Variants in AGR3 observed in about 807,000 individuals in gnomAD.
The protein encoded by AGR3 is anterior gradient 3, protein disulphide isomerase family member, also known as anterior gradient protein 3.
A neutral mutation model predicts 24.5 loss-of-function variants in AGR3; 37 were observed. The observed-to-expected ratio is 1.51, with a 90% CI of 1.16 to 1.99. The LOEUF is 1.99. Among genes scored for constraint, AGR3 ranks in the 30% most tolerant of loss-of-function variants. The probability of loss-of-function intolerance (pLI) is 0.00; values close to 1 mark genes in which losing one functional copy is unlikely to be tolerated. For synonymous variants in AGR3, 75 were observed against 61.6 expected (o/e 1.22, Z -1.02); for missense variants, 228 against 191.1 (o/e 1.19, Z -1.14).
At chr7:16,877,457 GCAAA>G (rs1401552345) in intron 2 of AGR3, among the ~76,000 whole-genome samples, 1 of 151,478 alleles carries the variant, frequency 6.6e-6, no homozygotes, top group Non-Finnish European at 1.5e-5. Flanking sequence ...TATGAATGGA[GCAAA>G]CAAATGGTCA....
downstream of AGR3, among the ~76,000 whole-genome samples, chr7:16,856,615 T>A (rs1448316485): frequency 6.6e-6 from 1 of 152,216 alleles, no homozygotes; most frequent in Non-Finnish European, 1.5e-5. Flanking sequence ...CTTTTTTGAC[T>A]GTTATCTCTT....
In AGR3 at chr7:16,860,561, A is replaced by G; in HGVS notation, c.390T>C (p.Ala130=). Residue 130 remains alanine (A), a synonymous_variant, in exon 7 of 8, where the codon GCT becomes GCC. Coordinates refer to ENST00000310398, the MANE Select transcript of AGR3 (RefSeq NM_176813.5). The stretch of plus-strand genomic sequence containing the variant: ...TGTTAGAGTATCTTCCAGCTATGTC[A>G]GCTCTAACTGTTAAAGAAGGGTCTG... ...MFVDPSLTVR[A]DIAGRYSNRL... 1 of 1,613,640 alleles carries G rather than the reference A, an allele frequency of 6.2e-7. No homozygotes were observed. The highest frequency in any genetic ancestry group is 8.5e-7 in the Non-Finnish European group (1 of 1,179,666).
chr7:16,854,868 C>A (rs553359438), downstream of AGR3, among the ~76,000 whole-genome samples: 21 of 152,168 alleles, frequency 1.4e-4, no homozygotes, highest in Non-Finnish European at 2.4e-4. Context: ...CTGCTTCCTG[C>A]TCACATGGCA....
chr7:16,864,451 T>A, intron 3 of AGR3: 5 of 1,303,384 alleles, frequency 3.8e-6, no homozygotes, highest in Non-Finnish European at 5.6e-6. Context: ...ATGTCCTCCG[T>A]TAAGCTGGGC....
chr7:16,870,596 ATTCAAATATAGATG>A (rs1187210615), intron 3 of AGR3, among the ~76,000 whole-genome samples: 1 of 152,152 alleles, frequency 6.6e-6, no homozygotes, highest in Non-Finnish European at 1.5e-5. Flanking sequence ...AGTCTTAAAA[ATTCAAATATAGATG>A]TTTTATTCTA....
chr7:16,856,496 G>A (rs907570382), downstream of AGR3, among the ~76,000 whole-genome samples: 8 of 152,130 alleles, frequency 5.3e-5, no homozygotes, highest in African/African-American at 1.4e-4. Flanking sequence ...AACAGGATAT[G>A]CTTATATTTT....
In AGR3 at chr7:16,860,430, T is replaced by C. The variant is rs760604990; in HGVS notation, c.451+70A>G. On this transcript the variant is annotated intron_variant, in intron 7 of 7. Transcript: ENST00000310398. ...GTGTGTAGAAGCACTGATGTAGGGC[T>C]TCACTAGCCCTTAACAAATAGTCAG... 4.3e-6 allele frequency: 5 copies of C among 1,168,368 alleles called. 1 individual carries two copies. The East Asian group carries it at 1.2e-4, about 27-fold the overall frequency. The allele number at this position is 1,168,368 out of a possible 1,614,324, so 72.4% of individuals were successfully genotyped here. A position where few individuals can be genotyped will look rare whatever the true frequency, so the allele number is the denominator to read the frequency against.
chr7:16,864,483 G>A, intron 3 of AGR3: 4 of 1,258,726 alleles, frequency 3.2e-6, no homozygotes, highest in South Asian at 2.4e-5. Flanking sequence ...TGTCAGGGTC[G>A]ATCATTCCAT....
downstream of AGR3, among the ~76,000 whole-genome samples, chr7:16,855,953 A>G (rs1407805509): frequency 6.6e-6 from 1 of 150,914 alleles, no homozygotes; most frequent in East Asian, 2.0e-4. Context: ...AATATACCTG[A>G]TTTTCTATTT....
chr7:16,873,741 A>T (rs767405424), intron 3 of AGR3, 39 bp downstream of exon 3: 1 of 1,472,050 alleles, frequency 6.8e-7, no homozygotes, highest in Non-Finnish European at 9.5e-7. Context: ...TGAGTCTACT[A>T]CAAATAAAAG....
chr7:16,865,844 C>G (rs998807064), intron 3 of AGR3: 1 of 740,344 alleles, frequency 1.4e-6, no homozygotes, highest in African/African-American at 1.7e-5. Flanking sequence ...TACTTGAATA[C>G]CATTCTCCTT....
intron 4 of AGR3, 114 bp downstream of exon 4, chr7:16,862,495 AT>A (rs969829872): frequency 1.8e-4 from 97 of 550,746 alleles, no homozygotes; most frequent in Non-Finnish European, 2.4e-4. Context: ...GCAGTTGTCT[AT>A]TTTTTTTAAT....
intron 6 of AGR3, among the ~76,000 whole-genome samples, 161 bp downstream of exon 6, chr7:16,861,223 T>C (rs1345614426): frequency 2.0e-5 from 3 of 152,216 alleles, no homozygotes; most frequent in Non-Finnish European, 4.4e-5. Flanking sequence ...ATTACAGATA[T>C]AGTGGATTTT....
intron 2 of AGR3, 26 bp from the exon 3 acceptor site, chr7:16,873,869 C>T: frequency 1.9e-6 from 3 of 1,564,822 alleles, no homozygotes; most frequent in South Asian, 2.2e-5. Flanking sequence ...GAAATCAATG[C>T]AGTAACCCAG....
At chr7:16,866,245 ATG>A (rs1781756085) in intron 3 of AGR3, 1 of 523,154 alleles carries the variant, frequency 1.9e-6, no homozygotes, top group African/African-American at 1.9e-5. Context: ...TCATTGAATG[ATG>A]GGTCAATCCA....
intron 3 of AGR3, among the ~76,000 whole-genome samples, chr7:16,866,956 C>A (rs1188486740): frequency 6.6e-6 from 1 of 151,846 alleles, no homozygotes; most frequent in Non-Finnish European, 1.5e-5. Flanking sequence ...TTTCTTTTAT[C>A]TTCTCCTTTT....
chr7:16,858,781 G>A (rs1370220533), downstream of AGR3, among the ~76,000 whole-genome samples: 1 of 152,148 alleles, frequency 6.6e-6, no homozygotes, highest in Non-Finnish European at 1.5e-5. Context: ...TGAGGCAGGA[G>A]AATCGCTTGA....
chr7:16,873,950 CA>C, intron 2 of AGR3, 107 bp from the exon 3 acceptor site: 2 of 890,144 alleles, frequency 2.2e-6, no homozygotes, highest in Non-Finnish European at 3.6e-6. Context: ...ACTAAGCCAT[CA>C]AGCTGTTGGC....
chr7:16,881,486 G>A (rs1339762394), intron 1 of AGR3, among the ~76,000 whole-genome samples: 1 of 152,138 alleles, frequency 6.6e-6, no homozygotes, highest in Admixed American at 6.5e-5. Flanking sequence ...ATGTGGCATG[G>A]TTACAGGCCT....
Sources: allele counts gnomAD v4.1 joint callset (sites outside exome capture counted in the v4.1 genomes callset), GRCh38; gene constraint gnomAD v4.1.1; transcripts MANE v1.5; gene names NCBI Gene and HGNC (gene_info 2026-07-23, HGNC 2026-07-21).